Variants in EIF2AK4 observed in about 807,000 individuals in gnomAD.
EIF2AK4 encodes the protein eukaryotic translation initiation factor 2 alpha kinase 4, also known as eIF-2-alpha kinase GCN2.
Under a neutral mutation model 211.1 loss-of-function variants are expected in EIF2AK4, and 139 were observed. That is an observed-to-expected ratio of 0.66 (90% CI 0.57 to 0.76). The LOEUF (loss-of-function observed/expected upper bound fraction) is 0.76. Ranked by LOEUF, EIF2AK4 falls within the 30% of genes least tolerant of loss-of-function variation. EIF2AK4 has a pLI of 0.00. For synonymous variants in EIF2AK4, 710 were observed against 751.3 expected, an observed-to-expected ratio of 0.94 and a Z score of 0.90; for missense variants, 1,664 against 2,043.8, an observed-to-expected ratio of 0.81 and a Z score of 3.58.
At chr15:39,961,562 A>G (rs986847908) in intron 6 of EIF2AK4, among the ~76,000 whole-genome samples, 13 of 152,196 alleles carry the variant, frequency 8.5e-5, no homozygotes, top group Admixed American at 5.9e-4. Context: ...GGAGAAGATG[A>G]CAATGGGAAG....
intron 18 of EIF2AK4, among the ~76,000 whole-genome samples, chr15:39,995,790 A>C (rs2035010731): frequency 6.6e-6 from 1 of 152,120 alleles, no homozygotes; most frequent in Middle Eastern, 3.2e-3. Context: ...ATATGTTTAC[A>C]TTGTGAAATG....
Position 39,992,758 on chromosome 15 carries a change from C to T in EIF2AK4, c.2687-11C>T. 1.2e-6 allele frequency: 2 copies of T among 1,613,430 alleles called. No homozygotes were observed. The highest frequency in any genetic ancestry group is 1.7e-6 in the Non-Finnish European group (2 of 1,179,416). On this transcript the variant is annotated splice_polypyrimidine_tract_variant and intron_variant, in intron 17 of 38. Transcript: ENST00000263791. ...TATTGGGACGTTTTCCCTCTGTTTTCCTCCACACAGGTCACTTAACTGGGA... is the reference window on the plus strand; with the variant it reads ...TATTGGGACGTTTTCCCTCTGTTTTTCTCCACACAGGTCACTTAACTGGGA...
intron 3 of EIF2AK4, chr15:39,946,751 A>C (rs1595542639): frequency 3.0e-6 from 2 of 669,850 alleles, no homozygotes; most frequent in South Asian, 1.6e-5. Flanking sequence ...TGCCGCAACC[A>C]CCCCAGCCTT....
At chr15:39,999,389 G>GT in intron 20 of EIF2AK4, among the ~76,000 whole-genome samples, 1 of 152,172 alleles carries the variant, frequency 6.6e-6, no homozygotes, top group Admixed American at 6.5e-5. Flanking sequence ...AGTGCCAGTT[G>GT]TTTGTCTTGG....
Position 39,955,591 on chromosome 15 carries a change from TA to T in EIF2AK4, c.595-26del, listed in dbSNP as rs761258964. 8 of 1,586,480 alleles carry T rather than the reference TA, an allele frequency of 5.0e-6. No individual in the cohort carries two copies. The Admixed American group carries it at 1.5e-4, about 30-fold the overall frequency. Reference sequence around the variant, plus strand: ...TTTTCTTCCATGTATGACTTACATCTAAAGTAAGTTTTACTTTTCTTGTTCT... The same window carrying T: ...TTTTCTTCCATGTATGACTTACATCTAAGTAAGTTTTACTTTTCTTGTTCT... On this transcript the variant is annotated intron_variant, in intron 5 of 38. Transcript: ENST00000263791.
chr15:39,939,001 T>A (rs1259560035), intron 1 of EIF2AK4, among the ~76,000 whole-genome samples: 1 of 152,256 alleles, frequency 6.6e-6, no homozygotes, highest in African/African-American at 2.4e-5. Context: ...CATTTGTTAA[T>A]ATCTCAGTAT....
At chr15:39,972,862 C>T (rs1289408134) in intron 9 of EIF2AK4, 46 bp from the exon 10 acceptor site, 5 of 1,478,604 alleles carry the variant, frequency 3.4e-6, no homozygotes, top group African/African-American at 2.8e-5. Context: ...ACTAGTTTAG[C>T]ACTGATTGTT....
At chr15:39,942,085 T>G (rs2034153054) in intron 2 of EIF2AK4, among the ~76,000 whole-genome samples, 1 of 152,252 alleles carries the variant, frequency 6.6e-6, no homozygotes, top group Non-Finnish European at 1.5e-5. Flanking sequence ...TTTTTCTCCA[T>G]TCTGTTAATA....
At chr15:40,019,799 A>G (rs2140944729) in intron 30 of EIF2AK4, among the ~76,000 whole-genome samples, 1 of 152,152 alleles carries the variant, frequency 6.6e-6, no homozygotes, top group South Asian at 2.1e-4. Flanking sequence ...CCCTAGACTC[A>G]TTTTCCTTAT....
At chr15:39,938,771 A>T (rs1299565713) in intron 1 of EIF2AK4, among the ~76,000 whole-genome samples, 1 of 152,098 alleles carries the variant, frequency 6.6e-6, no homozygotes, top group Non-Finnish European at 1.5e-5. Context: ...AATGGAGATG[A>T]CACCTGCCTT....
At chr15:39,968,849 A>T (rs1342226439) in intron 9 of EIF2AK4, among the ~76,000 whole-genome samples, 2 of 149,398 alleles carry the variant, frequency 1.3e-5, no homozygotes, top group Non-Finnish European at 3.0e-5. Context: ...TGTGTTTGAG[A>T]TTGTTTTTGT....
chr15:40,027,429 A>T (rs910095695), intron 33 of EIF2AK4, among the ~76,000 whole-genome samples: 1 of 152,236 alleles, frequency 6.6e-6, no homozygotes, highest in East Asian at 1.9e-4. Flanking sequence ...GACCTTCAAG[A>T]TTCTCTAGAC....
At chr15:40,029,551 TG>T in intron 34 of EIF2AK4, 87 bp downstream of exon 34, 1 of 1,344,584 alleles carries the variant, frequency 7.4e-7, no homozygotes, top group Non-Finnish European at 1.0e-6. Flanking sequence ...CTTGTGACAC[TG>T]GAAATCTATT....
rs778916854 is a variant in EIF2AK4 at position 39,939,485 on chromosome 15, T to C, written c.145-20T>C. 1.7e-5 allele frequency: 27 copies of C among 1,570,566 alleles called. No homozygotes were observed. The East Asian group carries it at 5.9e-4, about 34-fold the overall frequency. On this transcript the variant is annotated intron_variant, in intron 1 of 38. Coordinates refer to ENST00000263791, the MANE Select transcript of EIF2AK4 (RefSeq NM_001013703.4). ...GCTCTACAGCTTTGAAAAAAATTTT[T>C]TTTGTTTTTCCTCTTTTAGGTCAAA... is the stretch of plus-strand genomic sequence containing the variant.
Position 39,976,773 on chromosome 15 carries a change from C to T in EIF2AK4, c.2178C>T (p.Thr726=), listed in dbSNP as rs558682087. 5.7e-6 allele frequency: 9 copies of T among 1,591,996 alleles called. No individual in the cohort carries two copies. Among genetic ancestry groups the T allele is most frequent in the African/African-American group, 2.7e-5 (2 of 73,044 alleles). The change falls in exon 12 of 39, where the codon ACC becomes ACT. Residue 726 remains threonine (T), a synonymous_variant. Coordinates refer to ENST00000263791, the MANE Select transcript of EIF2AK4 (RefSeq NM_001013703.4). The stretch of plus-strand genomic sequence containing the variant: ...CGGCCAGTGCCCGTTTCCCCGCCAC[C>T]GGCCCGGGCTCCAGCGATGACGAGG... ...ERSASARFPA[T]GPGSSDDEDD...
intron 3 of EIF2AK4, among the ~76,000 whole-genome samples, chr15:39,948,328 T>C (rs1595543310): frequency 6.6e-6 from 1 of 152,306 alleles, no homozygotes; most frequent in Non-Finnish European, 1.5e-5. Flanking sequence ...AAAATCTCAA[T>C]GTTATGTTCC....
rs566127237 is a variant in EIF2AK4, at chr15:40,005,807, G to A, written c.3358-1209G>A. Among the ~76,000 whole-genome samples, 13 of 152,044 alleles carry A rather than the reference G, an allele frequency of 8.6e-5. No homozygotes were observed. The South Asian group carries it at 1.7e-3, about 19-fold the overall frequency. On this transcript the variant is annotated intron_variant, in intron 23 of 38. Coordinates refer to ENST00000263791, the MANE Select transcript of EIF2AK4 (RefSeq NM_001013703.4). ...AGGATGGTCTTGATCTCCTGACCTC[G>A]TGATCCGCCCACCTGGGCCTCCCAG...
intron 6 of EIF2AK4, among the ~76,000 whole-genome samples, chr15:39,960,554 G>A (rs1370954133): frequency 6.6e-6 from 1 of 152,202 alleles, no homozygotes; most frequent in East Asian, 1.9e-4. Context: ...TTGCAATGGT[G>A]TGAGGGATAA....
chr15:39,940,356 G>A (rs1210786943), intron 2 of EIF2AK4, among the ~76,000 whole-genome samples: 1 of 152,198 alleles, frequency 6.6e-6, no homozygotes, highest in Admixed American at 6.5e-5. Flanking sequence ...GCGTTAAGTA[G>A]TTTGAAATTA....
Sources: gnomAD v4.1 joint callset for allele counts (sites outside exome capture counted in the v4.1 genomes callset) on GRCh38, gnomAD v4.1.1 for gene constraint, MANE v1.5 for transcripts, NCBI Gene and HGNC (gene_info 2026-07-23, HGNC 2026-07-21) for gene names.